The following BRINP3 variants were observed in gnomAD, a reference collection of about 807,000 sequenced individuals.
BRINP3 encodes BMP/retinoic acid inducible neural specific 3.
Under a neutral mutation model 71.0 loss-of-function variants are expected in BRINP3, and 19 were observed. The observed-to-expected ratio is 0.27, with a 90% CI of 0.19 to 0.39. BRINP3 has a LOEUF of 0.39. Among genes scored for constraint, BRINP3 ranks in the 10% least tolerant of loss-of-function variants. BRINP3 has a pLI of 1.00. For synonymous variants in BRINP3, 380 were observed against 337.7 expected (o/e 1.13, Z -1.37); for missense variants, 959 against 940.8 (o/e 1.02, Z -0.25).
intron 1 of BRINP3, among the ~76,000 whole-genome samples, chr1:190,459,687 T>C (rs1369462388): frequency 2.0e-5 from 3 of 152,050 alleles, no homozygotes; most frequent in African/African-American, 7.2e-5. Context: ...TTTTTTTGTA[T>C]TTGCATTTGG....
At chr1:190,158,683 T>A (rs1428397544) in intron 7 of BRINP3, among the ~76,000 whole-genome samples, 2 of 151,860 alleles carry the variant, frequency 1.3e-5, no homozygotes, top group African/African-American at 2.4e-5. Context: ...ACTTAAGTTT[T>A]TATTCCAAGA....
chr1:190,469,436 A>T (rs1358010119), intron 1 of BRINP3, among the ~76,000 whole-genome samples: 1 of 151,044 alleles, frequency 6.6e-6, no homozygotes, highest in Non-Finnish European at 1.5e-5. Context: ...TATATGCAAA[A>T]ATGTTAAGAA....
At chr1:190,289,576 A>C (rs7530528) in intron 2 of BRINP3, among the ~76,000 whole-genome samples, 1,595 of 152,108 alleles carry the variant, frequency 0.01, 25 homozygotes, top group African/African-American at 0.036. Flanking sequence ...GTTAGAATAC[A>C]ATTTTACACA....
chr1:190,307,920 CA>C (rs1251363170), intron 2 of BRINP3, among the ~76,000 whole-genome samples: 1 of 151,862 alleles, frequency 6.6e-6, no homozygotes, highest in Non-Finnish European at 1.5e-5. Flanking sequence ...ACTTTAGAAG[CA>C]AAAATCTGAG....
chr1:190,202,790 A>G (rs1253514411), intron 6 of BRINP3, among the ~76,000 whole-genome samples: 1 of 152,132 alleles, frequency 6.6e-6, no homozygotes, highest in East Asian at 1.9e-4. Context: ...GCCTTCCGCC[A>G]TGATTGTGAG....
At chr1:190,247,681 T>G (rs553226678) in intron 4 of BRINP3, among the ~76,000 whole-genome samples, 12 of 151,840 alleles carry the variant, frequency 7.9e-5, no homozygotes, top group Admixed American at 3.3e-4. Flanking sequence ...AATTCTACTC[T>G]CTACCTCTCT....
At chr1:190,416,370 C>A (rs1673003398) in intron 2 of BRINP3, among the ~76,000 whole-genome samples, 1 of 151,956 alleles carries the variant, frequency 6.6e-6, no homozygotes, top group African/African-American at 2.4e-5. Flanking sequence ...TTATATGACC[C>A]CCTTGCCACC....
At chr1:190,190,287 T>C (rs1260498425) in intron 6 of BRINP3, among the ~76,000 whole-genome samples, 1 of 152,070 alleles carries the variant, frequency 6.6e-6, no homozygotes, top group Non-Finnish European at 1.5e-5. Flanking sequence ...TCATTTCCCT[T>C]CTCTTTTCCC....
chr1:190,404,711 C>T (rs1444486495), intron 2 of BRINP3, among the ~76,000 whole-genome samples: 1 of 152,136 alleles, frequency 6.6e-6, no homozygotes, highest in South Asian at 2.1e-4. Context: ...ACAAATTTCA[C>T]AGGTGATCAA....
intron 7 of BRINP3, among the ~76,000 whole-genome samples, chr1:190,154,386 T>C (rs945773266): frequency 6.6e-6 from 1 of 152,184 alleles, no homozygotes; most frequent in Non-Finnish European, 1.5e-5. Flanking sequence ...GTGATCCACA[T>C]AGCCCTGGGT....
At chr1:190,126,903 A>G (rs1231611904) in intron 7 of BRINP3, among the ~76,000 whole-genome samples, 2 of 151,898 alleles carry the variant, frequency 1.3e-5, no homozygotes, top group Non-Finnish European at 2.9e-5. Context: ...TTCTACCTTC[A>G]TTGGACTGAT....
intron 2 of BRINP3, among the ~76,000 whole-genome samples, chr1:190,452,371 A>C (rs1675670426): frequency 6.6e-6 from 1 of 152,222 alleles, no homozygotes; most frequent in African/African-American, 2.4e-5. Flanking sequence ...TTACATGTTT[A>C]TTCAAGCCAC....
chr1:190,402,086 C>A (rs891918226), intron 2 of BRINP3, among the ~76,000 whole-genome samples: 4 of 151,938 alleles, frequency 2.6e-5, no homozygotes, highest in Non-Finnish European at 5.9e-5. Flanking sequence ...CATAATCATA[C>A]TTATCACTAG....
chr1:190,243,659 C>T (rs1558101304), intron 4 of BRINP3, among the ~76,000 whole-genome samples: 1 of 152,020 alleles, frequency 6.6e-6, no homozygotes, highest in Non-Finnish European at 1.5e-5. Context: ...AGTTTGCAAC[C>T]TGGTTCAGGG....
intron 6 of BRINP3, among the ~76,000 whole-genome samples, chr1:190,220,207 A>G (rs1656755784): frequency 6.6e-6 from 1 of 152,132 alleles, no homozygotes; most frequent in Admixed American, 6.6e-5. Context: ...CAGCAAGAGA[A>G]AAGAAGCAAA....
At chr1:190,256,075 G>A (rs1660635125) in intron 4 of BRINP3, among the ~76,000 whole-genome samples, 1 of 152,164 alleles carries the variant, frequency 6.6e-6, no homozygotes, top group Non-Finnish European at 1.5e-5. Context: ...TAGTTGTGTG[G>A]TTTTGAGTGA....
At chr1:190,204,251 A>G (rs753243009) in intron 6 of BRINP3, among the ~76,000 whole-genome samples, 21 of 151,970 alleles carry the variant, frequency 1.4e-4, no homozygotes, top group Non-Finnish European at 2.9e-4. Flanking sequence ...AGTTGGTTAT[A>G]CCTGGAGTGT....
intron 2 of BRINP3, among the ~76,000 whole-genome samples, chr1:190,314,852 A>C (rs546646354): frequency 6.6e-6 from 1 of 152,284 alleles, no homozygotes; most frequent in African/African-American, 2.4e-5. Context: ...TCACCAGTAC[A>C]AGGAAACATA....
At chr1:190,442,906 CTTTTTT>C (rs757648847) in intron 2 of BRINP3, among the ~76,000 whole-genome samples, 1 of 101,576 alleles carries the variant, frequency 9.8e-6, no homozygotes, top group Non-Finnish European at 2.0e-5. Flanking sequence ...GTCTCTGTAT[CTTTTTT>C]TTTTTTTTTT....
Sources: allele counts gnomAD v4.1 joint callset (sites outside exome capture counted in the v4.1 genomes callset), GRCh38; gene constraint gnomAD v4.1.1; transcripts MANE v1.5; gene names NCBI Gene and HGNC (gene_info 2026-07-23, HGNC 2026-07-21).